Variants in CEP89 observed in about 807,000 individuals in gnomAD.
The protein encoded by CEP89 is centrosomal protein of 89 kDa.
A neutral mutation model predicts 97.6 loss-of-function variants in CEP89; 95 were observed. That is an observed-to-expected ratio of 0.97 (90% CI 0.82 to 1.15). CEP89 has a LOEUF of 1.15. Among genes scored for constraint, CEP89 ranks in the 50% most tolerant of loss-of-function variants. The probability of loss-of-function intolerance (pLI) is 0.00; values close to 1 mark genes in which losing one functional copy is unlikely to be tolerated. For missense variants in CEP89, 869 were observed against 947.7 expected, an observed-to-expected ratio of 0.92 and a Z score of 1.09; for synonymous variants, 354 against 349.1, an observed-to-expected ratio of 1.01 and a Z score of -0.16.
chr19:32,882,249 T>C (rs1274919926), intron 17 of CEP89, among the ~76,000 whole-genome samples: 1 of 152,216 alleles, frequency 6.6e-6, no homozygotes, highest in African/African-American at 2.4e-5. Context: ...GTTCTTTATA[T>C]GCTATAAATA....
intron 16 of CEP89, among the ~76,000 whole-genome samples, chr19:32,898,580 C>T (rs1159254024): frequency 6.6e-6 from 1 of 152,106 alleles, no homozygotes; most frequent in Admixed American, 6.6e-5. Context: ...ATTCTCCACA[C>T]CCAGAAATGA....
intron 13 of CEP89, 58 bp downstream of exon 13, chr19:32,918,166 G>A: frequency 7.4e-7 from 1 of 1,355,948 alleles, no homozygotes; most frequent in Non-Finnish European, 1.1e-6. Context: ...AGAGATAGAA[G>A]GGTAAAATGA....
chr19:32,915,312 AAAAG>A, intron 14 of CEP89, 21 bp downstream of exon 14: 2 of 1,561,812 alleles, frequency 1.3e-6, no homozygotes, highest in East Asian at 2.3e-5. Context: ...AAAAAAAAAA[AAAAG>A]AAAAAACATT....
At chr19:32,926,557 C>T (rs1449238112) in intron 10 of CEP89, among the ~76,000 whole-genome samples, 1 of 152,138 alleles carries the variant, frequency 6.6e-6, no homozygotes, top group Non-Finnish European at 1.5e-5. Context: ...TGACCTCCTG[C>T]GGTCAGAATG....
At position 32,895,957 on chromosome 19, in the gene CEP89, A is replaced by G. The variant is rs1969631446; in HGVS notation, c.1875+3900T>C. The stretch of plus-strand genomic sequence containing the variant: ...GGAAAGCTACAAACACTGATGAAAG[A>G]CAATGAAGCTGATTCAAACTAATGG... On this transcript the variant is annotated intron_variant, in intron 16 of 18. Transcript: ENST00000305768. 2.6e-5 allele frequency among the ~76,000 whole-genome samples: 4 copies of G among 152,324 alleles called. No homozygotes were observed. In the South Asian group the frequency reaches 8.3e-4, roughly 32 times the overall value.
intron 4 of CEP89, among the ~76,000 whole-genome samples, chr19:32,949,384 C>CA (rs1555794238): frequency 6.9e-6 from 1 of 145,966 alleles, no homozygotes; most frequent in Non-Finnish European, 1.5e-5. Context: ...TGAAGCAGGT[C>CA]TTTTTTTTTT....
intron 16 of CEP89, among the ~76,000 whole-genome samples, chr19:32,889,063 T>C (rs988912080): frequency 1.3e-5 from 2 of 152,102 alleles, no homozygotes; most frequent in African/African-American, 4.8e-5. Flanking sequence ...TGTTGGTGTA[T>C]GTACAGGGTT....
At position 32,890,804 on chromosome 19, in the gene CEP89, G is replaced by A. The variant is rs181221437; in HGVS notation, c.1876-2963C>T. Among the ~76,000 whole-genome samples, 53 of 152,200 alleles carry A rather than the reference G, an allele frequency of 3.5e-4. 1 individual carries two copies. In the East Asian group the frequency reaches 7.6e-3, roughly 22 times the overall value. On this transcript the variant is annotated intron_variant, in intron 16 of 18. Coordinates refer to ENST00000305768, the MANE Select transcript of CEP89 (RefSeq NM_032816.5). ...CTGTGTGACCCCACTGCTCCAGAGCGGGGGCTCACGCTGGGTCCCACACTG... is the reference window on the plus strand; with the variant it reads ...CTGTGTGACCCCACTGCTCCAGAGCAGGGGCTCACGCTGGGTCCCACACTG...
chr19:32,887,758 T>A lies in CEP89; in HGVS notation c.1959A>T (p.Lys653Asn). 2 of 1,604,906 alleles carry A rather than the reference T, an allele frequency of 1.2e-6. No individual in the cohort carries two copies. The highest frequency in any genetic ancestry group is 1.7e-6 in the Non-Finnish European group (2 of 1,171,554). ...AGGCCAAATAACCACTTACCTTGACTTTTTCCTCTAACTTTCCCAGGCGAA... is the reference window on the plus strand; with the variant it reads ...AGGCCAAATAACCACTTACCTTGACATTTTCCTCTAACTTTCCCAGGCGAA... ...SNIRLGKLEE[K>N]VKGYKKQAAL... The change falls in exon 17 of 19, where the codon AAA becomes AAT. Residue 653 changes from lysine (K) to asparagine (N), a missense_variant. Lys to Asn is a moderately conservative substitution (Grantham distance 94, BLOSUM62 0). Transcript: ENST00000305768.
chr19:32,925,489 T>TC (rs1970337342), intron 11 of CEP89, among the ~76,000 whole-genome samples: 1 of 138,336 alleles, frequency 7.2e-6, no homozygotes, highest in African/African-American at 2.9e-5. Flanking sequence ...ATAGCCCTTT[T>TC]TTTTTTTTTT....
intron 14 of CEP89, among the ~76,000 whole-genome samples, chr19:32,913,518 T>C (rs909608691): frequency 6.6e-6 from 1 of 152,014 alleles, no homozygotes; most frequent in Non-Finnish European, 1.5e-5. Flanking sequence ...ACTAGAATGA[T>C]CAACTCATTT....
chr19:32,933,733 A>G (rs1268236746), intron 7 of CEP89, 64 bp from the exon 8 acceptor site: 1 of 1,115,206 alleles, frequency 9.0e-7, no homozygotes, highest in Non-Finnish European at 1.3e-6. Flanking sequence ...CATCAAAATC[A>G]ACTGACTTTG....
At position 32,901,255 on chromosome 19, in the gene CEP89, T is replaced by C; in HGVS notation, c.1723A>G (p.Lys575Glu). Residue 575 changes from lysine (K) to glutamate (E), a missense_variant, in exon 15 of 19, where the codon AAA (lysine) becomes GAA (glutamate). Physicochemically the swap from Lys to Glu is moderately conservative, Grantham distance 56. Coordinates refer to ENST00000305768, the MANE Select transcript of CEP89 (RefSeq NM_032816.5). Reference sequence around the variant, plus strand: ...AAAAAAGACACAAACCTATTGATTTTCTGTGCTCGTTCAAGTTCGGCTTCC... The same window carrying C: ...AAAAAAGACACAAACCTATTGATTTCCTGTGCTCGTTCAAGTTCGGCTTCC... ...ALEAELERAQKINRKSQKKIE... is the reference protein window; with the variant it reads ...ALEAELERAQEINRKSQKKIE... The C allele has an allele frequency of 6.2e-7, 1 of 1,609,320 alleles. No individual in the cohort carries two copies. The highest frequency in any genetic ancestry group is 8.5e-7 in the Non-Finnish European group (1 of 1,178,934).
chr19:32,923,858 C>T (rs970897021), intron 11 of CEP89, among the ~76,000 whole-genome samples: 6 of 152,250 alleles, frequency 3.9e-5, no homozygotes, highest in Non-Finnish European at 7.4e-5. Context: ...GGCAGAGATG[C>T]CCATCAACGC....
intron 16 of CEP89, among the ~76,000 whole-genome samples, chr19:32,893,317 A>G (rs1290476710): frequency 6.6e-6 from 1 of 152,194 alleles, no homozygotes; most frequent in African/African-American, 2.4e-5. Context: ...TAAAGGGATA[A>G]ATTCAATAAG....
chr19:32,915,064 T>C (rs1273000376), intron 14 of CEP89, among the ~76,000 whole-genome samples: 1 of 151,838 alleles, frequency 6.6e-6, no homozygotes, highest in African/African-American at 2.4e-5. Context: ...CCTGTGCCAC[T>C]ATGCTGTGCA....
intron 16 of CEP89, among the ~76,000 whole-genome samples, chr19:32,892,868 G>A (rs572090716): frequency 1.4e-4 from 21 of 152,086 alleles, no homozygotes; most frequent in Admixed American, 2.0e-4. Context: ...CTACTATCAT[G>A]AAAACACATG....
At chr19:32,927,707 C>A (rs1970390472) in intron 9 of CEP89, among the ~76,000 whole-genome samples, 1 of 151,896 alleles carries the variant, frequency 6.6e-6, no homozygotes, top group African/African-American at 2.4e-5. Flanking sequence ...TGGGCTCAAG[C>A]AATCCTCTCA....
chr19:32,911,188 G>A (rs914886997), intron 14 of CEP89, among the ~76,000 whole-genome samples: 5 of 152,156 alleles, frequency 3.3e-5, no homozygotes, highest in Admixed American at 6.6e-5. Flanking sequence ...GACCACTGTC[G>A]TATATGTGGT....
Sources: gnomAD v4.1 joint callset for allele counts (sites outside exome capture counted in the v4.1 genomes callset) on GRCh38, gnomAD v4.1.1 for gene constraint, MANE v1.5 for transcripts, NCBI Gene and HGNC (gene_info 2026-07-23, HGNC 2026-07-21) for gene names.